Variants in MRPS6 observed in about 807,000 individuals in gnomAD.
MRPS6 encodes the protein small ribosomal subunit protein bS6m.
MRPS6 carries 6 observed loss-of-function variants against 13.1 expected under a neutral mutation model. That is an observed-to-expected ratio of 0.46 (90% CI 0.25 to 0.91). The LOEUF is 0.91. Ranked by LOEUF, MRPS6 falls within the 40% of genes least tolerant of loss-of-function variation. MRPS6 has a pLI of 0.18. For synonymous variants in MRPS6, 61 were observed against 56.5 expected (o/e 1.08, Z -0.36); for missense variants, 164 against 155.6 (o/e 1.05, Z -0.29).
intron 1 of MRPS6, among the ~76,000 whole-genome samples, chr21:34,085,132 T>C (rs1338748172): frequency 6.6e-6 from 1 of 152,190 alleles, no homozygotes; most frequent in Admixed American, 6.5e-5. Context: ...CAATCAAGGA[T>C]CATATATTTA....
intron 1 of MRPS6, among the ~76,000 whole-genome samples, chr21:34,121,956 T>G (rs1248372418): frequency 6.6e-6 from 1 of 152,184 alleles, no homozygotes; most frequent in East Asian, 1.9e-4. Context: ...CTGATGGTAT[T>G]CGTTAGATGG....
intron 1 of MRPS6, chr21:34,097,518 G>C: frequency 1.4e-6 from 2 of 1,395,568 alleles, no homozygotes; most frequent in Non-Finnish European, 1.9e-6. Context: ...TTTTCCCAGA[G>C]ATGGATTAAA....
At chr21:34,139,762 G>C (rs1209407862) in intron 2 of MRPS6, among the ~76,000 whole-genome samples, 1 of 152,088 alleles carries the variant, frequency 6.6e-6, no homozygotes, top group Non-Finnish European at 1.5e-5. Context: ...AGTTTTTGTG[G>C]AGATGAGGCT....
At chr21:34,128,714 A>G (rs16991264) in intron 2 of MRPS6, among the ~76,000 whole-genome samples, 3,680 of 152,170 alleles carry the variant, frequency 0.024, 159 homozygotes, top group African/African-American at 0.083. Context: ...GTCCACAGAG[A>G]TTTTCTTAAT....
At chr21:34,101,407 T>C in intron 1 of MRPS6, 4 of 1,000,192 alleles carry the variant, frequency 4.0e-6, no homozygotes, top group Non-Finnish European at 4.8e-6. Context: ...AAAAATGCTT[T>C]GAGGCTTCAG....
chr21:34,135,346 GTTT>G (rs747809642), intron 2 of MRPS6: 3,617 of 146,990 alleles, frequency 0.025, 108 homozygotes, highest in African/African-American at 0.13. Context: ...ATGAGAGCCG[GTTT>G]TTTTTTTTTT....
chr21:34,099,094 A>G lies in MRPS6; in HGVS notation c.45+25349A>G, dbSNP rs551781068. ...TTGTCAGGTAGCATAGTGTCTTCCC[A>G]TGATCAGGAGGCTTTCTGAAGGACT... On this transcript the variant is annotated intron_variant, in intron 1 of 2. Coordinates refer to ENST00000399312, the MANE Select transcript of MRPS6 (RefSeq NM_032476.4). The G allele has an allele frequency of 1.2e-5, 12 of 999,776 alleles. No individual in the cohort carries two copies. In the African/African-American group the frequency reaches 1.6e-4, roughly 13 times the overall value. 61.9% of individuals were successfully genotyped at this position (999,776 alleles called of 1,614,324 possible). A position where few individuals can be genotyped will look rare whatever the true frequency, so the allele number is the denominator to read the frequency against.
intron 2 of MRPS6, chr21:34,135,995 C>G: frequency 3.1e-6 from 1 of 320,270 alleles, no homozygotes; most frequent in Non-Finnish European, 6.1e-6. Context: ...CATCATTGAT[C>G]TGCACAGCGT....
chr21:34,114,597 A>C (rs1209679378), intron 1 of MRPS6, among the ~76,000 whole-genome samples: 1 of 152,168 alleles, frequency 6.6e-6, no homozygotes, highest in Non-Finnish European at 1.5e-5. Context: ...CAGGTGATTC[A>C]AGTGCTGAGA....
At position 34,096,738 on chromosome 21, in the gene MRPS6, G is replaced by C; in HGVS notation, c.45+22993G>C. On this transcript the variant is annotated intron_variant, in intron 1 of 2. Transcript: ENST00000399312. This position sits in a 1 kb window ranked among gnomAD's most constrained non-coding sequence, Gnocchi z 5.9. ...CATCAAAGACATCCATTATATGTAT[G>C]TGGCCACAGGATTGTTTTGGGTCAC... 1 of 1,614,066 alleles carries C rather than the reference G, an allele frequency of 6.2e-7. No individual in the cohort carries two copies. The highest frequency in any genetic ancestry group is 8.5e-7 in the Non-Finnish European group (1 of 1,179,988).
intron 1 of MRPS6, among the ~76,000 whole-genome samples, chr21:34,074,673 GT>G (rs201796395): frequency 4.0e-5 from 6 of 151,712 alleles, no homozygotes; most frequent in Admixed American, 6.6e-5. Flanking sequence ...TTGGTGTTAT[GT>G]TTTTTTTTCT....
chr21:34,130,373 C>G (rs1187975175), intron 2 of MRPS6, among the ~76,000 whole-genome samples: 1 of 152,138 alleles, frequency 6.6e-6, no homozygotes, highest in Admixed American at 6.5e-5. Flanking sequence ...GCTGGCAGCA[C>G]CGGGCAGTCT....
Position 34,096,386 on chromosome 21 carries a change from A to G in MRPS6, c.45+22641A>G, listed in dbSNP as rs568072128. ...CCATATTCACCCTCGATGTGTACAA[A>G]CTTATCCGCAAGAGCGCAAGCTCCC... is the stretch of plus-strand genomic sequence containing the variant. On this transcript the variant is annotated intron_variant, in intron 1 of 2. Transcript: ENST00000399312. This position sits in a 1 kb window ranked among gnomAD's most constrained non-coding sequence, Gnocchi z 5.9. 4.2e-5 allele frequency: 67 copies of G among 1,614,198 alleles called. 1 individual carries two copies. In the South Asian group the frequency reaches 7.1e-4, roughly 17 times the overall value.
In MRPS6 at chr21:34,142,610, C is replaced by T; in HGVS notation, c.*10C>T. On this transcript the variant is annotated 3_prime_UTR_variant, in exon 3 of 3. Coordinates refer to ENST00000399312, the MANE Select transcript of MRPS6 (RefSeq NM_032476.4). ...GAAGAGGAAGAAGTGAGAAGATTCG[C>T]CAGATTTTAGCCTTATATGTAATTC... 2 of 1,587,468 alleles carry T rather than the reference C, an allele frequency of 1.3e-6. No individual in the cohort carries two copies. Among genetic ancestry groups the T allele is most frequent in the Non-Finnish European group, 1.7e-6 (2 of 1,169,192 alleles).
chr21:34,097,127 G>GAGAA, intron 1 of MRPS6: 2 of 1,614,032 alleles, frequency 1.2e-6, no homozygotes, highest in Non-Finnish European at 1.7e-6. Flanking sequence ...GTGAGAAAGA[G>GAGAA]AGAAAGAAAG....
intron 1 of MRPS6, among the ~76,000 whole-genome samples, chr21:34,106,828 T>C (rs1054349266): frequency 6.6e-6 from 1 of 152,236 alleles, no homozygotes; most frequent in African/African-American, 2.4e-5. Context: ...TAGCAGCTTT[T>C]CCTCCCCTTT....
At chr21:34,099,717 G>A (rs993936347) in intron 1 of MRPS6, 10 of 998,092 alleles carry the variant, frequency 1.0e-5, no homozygotes, top group Non-Finnish European at 1.2e-5. Context: ...ATCATCTTGT[G>A]TCTGTGTGTA....
At chr21:34,118,557 C>CTTT (rs373895797) in intron 1 of MRPS6, among the ~76,000 whole-genome samples, 7 of 133,180 alleles carry the variant, frequency 5.3e-5, no homozygotes, top group South Asian at 2.4e-4. Context: ...TTCTTTCTTT[C>CTTT]TTTTTTTTTT....
intron 1 of MRPS6, among the ~76,000 whole-genome samples, chr21:34,082,819 C>T (rs570190337): frequency 3.6e-4 from 55 of 152,180 alleles, no homozygotes; most frequent in African/African-American, 1.3e-3. Context: ...TTCTTACGTA[C>T]GTTTTGGCCC....
Sources: allele counts gnomAD v4.1 joint callset (sites outside exome capture counted in the v4.1 genomes callset), GRCh38; gene constraint gnomAD v4.1.1; non-coding constraint Gnocchi (gnomAD v3.1); transcripts MANE v1.5; gene names NCBI Gene and HGNC (gene_info 2026-07-23, HGNC 2026-07-21).